AKAP8L: variants seen among roughly 807,000 people sequenced by gnomAD.
AKAP8L encodes the protein A-kinase anchoring protein 8 like, also known as A-kinase anchor protein 8-like.
A neutral mutation model predicts 77.5 loss-of-function variants in AKAP8L; 34 were observed. That is an observed-to-expected ratio of 0.44 (90% CI 0.33 to 0.58). AKAP8L has a LOEUF of 0.58. Ranked by LOEUF, AKAP8L falls within the 20% of genes least tolerant of loss-of-function variation. The probability of loss-of-function intolerance (pLI) is 0.02; values close to 1 mark genes in which losing one functional copy is unlikely to be tolerated. For missense variants in AKAP8L, 806 were observed against 887.6 expected (o/e 0.91, Z 1.17); for synonymous variants, 342 against 340.7 (o/e 1.00, Z -0.04).
rs1047664340 is a variant in AKAP8L at position 15,403,410 on chromosome 19, C to T, written c.362+65G>A. On this transcript the variant is annotated intron_variant, in intron 4 of 13. Transcript: ENST00000397410. This position sits in a 1 kb window ranked among gnomAD's most constrained non-coding sequence, Gnocchi z 4.3. ...ACAGAGGGGCACTCAGAGAGGAAAA[C>T]GCAGTGGGCAGCAGGCAGGAGCCGC... The T allele has an allele frequency of 4.0e-6, 6 of 1,494,370 alleles. No homozygotes were observed. The highest frequency in any genetic ancestry group is 1.7e-5 in the Admixed American group (1 of 59,260). The allele number at this position is 1,494,370 out of a possible 1,614,324, so 92.6% of individuals were successfully genotyped here.
At chr19:15,405,681 T>C (rs192445165) in intron 2 of AKAP8L, among the ~76,000 whole-genome samples, 2 of 151,180 alleles carry the variant, frequency 1.3e-5, no homozygotes, top group East Asian at 2.0e-4. Flanking sequence ...CCCAGAACTT[T>C]GGGAGGCCAA....
At chr19:15,404,192 A>C (rs1967955359) in intron 2 of AKAP8L, 150 bp from the exon 3 acceptor site, 1 of 710,262 alleles carries the variant, frequency 1.4e-6, no homozygotes, top group African/African-American at 1.8e-5. Flanking sequence ...GCACTGCGCA[A>C]ATGACCCAGG....
chr19:15,414,128 G>A (rs527784150), intron 1 of AKAP8L, among the ~76,000 whole-genome samples: 14 of 147,594 alleles, frequency 9.5e-5, no homozygotes, highest in Non-Finnish European at 1.3e-4. Context: ...GCAATGGTGC[G>A]ATCTCGGTTC....
chr19:15,410,697 C>T, intron 1 of AKAP8L, 103 bp from the exon 2 acceptor site: 1 of 860,910 alleles, frequency 1.2e-6, no homozygotes, highest in Non-Finnish European at 1.8e-6. Flanking sequence ...GCCCTTCTCT[C>T]AACGAAAAGC....
intron 12 of AKAP8L, among the ~76,000 whole-genome samples, chr19:15,395,593 G>A (rs74605676): frequency 1.3e-5 from 2 of 151,006 alleles, no homozygotes; most frequent in South Asian, 2.1e-4. Flanking sequence ...GATTACACGC[G>A]TGAGCCACCA....
Position 15,380,208 on chromosome 19 carries a change from G to A in AKAP8L, c.1855C>T (p.Leu619=), listed in dbSNP as rs1054093589. The A allele has an allele frequency of 2.0e-6, 3 of 1,508,484 alleles. No homozygotes were observed. Among genetic ancestry groups the A allele is most frequent in the African/African-American group, 2.9e-5 (2 of 69,066 alleles). 93.4% of individuals were successfully genotyped at this position (1,508,484 alleles called of 1,614,324 possible). ...EEEEEGAVPL[L]GGALQRQIRG... ...ATCTGGCGTTGCAGCGCCCCTCCCAGCAAGGGCACGGCGCCCTCCTCCTCC... is the reference window on the plus strand; with the variant it reads ...ATCTGGCGTTGCAGCGCCCCTCCCAACAAGGGCACGGCGCCCTCCTCCTCC... Residue 619 remains leucine (L), a synonymous_variant, in exon 14 of 14, where the codon CTG becomes TTG. Coordinates refer to ENST00000397410, the MANE Select transcript of AKAP8L (RefSeq NM_014371.4).
intron 1 of AKAP8L, among the ~76,000 whole-genome samples, chr19:15,416,818 G>C (rs543351865): frequency 1.3e-5 from 2 of 152,134 alleles, no homozygotes; most frequent in Non-Finnish European, 2.9e-5. Context: ...AGGTAACAGG[G>C]TTCAAAAGCA....
At chr19:15,393,999 GCA>G (rs1967719085) in intron 12 of AKAP8L, among the ~76,000 whole-genome samples, 1 of 151,868 alleles carries the variant, frequency 6.6e-6, no homozygotes, top group African/African-American at 2.4e-5. Context: ...GTAAAATGGT[GCA>G]CAGTCACTTT....
At chr19:15,388,844 A>T (rs8182534) in intron 12 of AKAP8L, among the ~76,000 whole-genome samples, 14 of 150,448 alleles carry the variant, frequency 9.3e-5, no homozygotes, top group Admixed American at 7.3e-4. Flanking sequence ...TGAACCTGGG[A>T]GGCGGAGCTT....
chr19:15,393,903 C>CAAAAAAAAAAAAAAAAAAAATAAA (rs35729766), intron 12 of AKAP8L, among the ~76,000 whole-genome samples: 1 of 96,440 alleles, frequency 1.0e-5, no homozygotes, highest in African/African-American at 4.1e-5. Context: ...ATCTCTGTCT[C>CAAAAAAAAAAAAAAAAAAAATAAA]AAAAAAAAAA....
chr19:15,397,637 A>G lies in AKAP8L; in HGVS notation c.1300-12T>C. 2 of 1,613,908 alleles carry G rather than the reference A, an allele frequency of 1.2e-6. No homozygotes were observed. The highest frequency in any genetic ancestry group is 1.7e-6 in the Non-Finnish European group (2 of 1,179,836). On this transcript the variant is annotated splice_polypyrimidine_tract_variant and intron_variant, in intron 10 of 13. Transcript: ENST00000397410. The surrounding 1 kb of genome is among the most constrained non-coding windows in gnomAD (Gnocchi z 4.7). Reference sequence around the variant, plus strand: ...TTAGTGACGTACTCCTGCAAGGAATATAAAGGTTCATGTGGGCCGCCTTAT... The same window carrying G: ...TTAGTGACGTACTCCTGCAAGGAATGTAAAGGTTCATGTGGGCCGCCTTAT...
intron 2 of AKAP8L, among the ~76,000 whole-genome samples, chr19:15,406,251 A>G (rs1417858116): frequency 6.6e-6 from 1 of 151,880 alleles, no homozygotes; most frequent in African/African-American, 2.4e-5. Context: ...GGAAGCCTTC[A>G]TCTAGACTGG....
Position 15,399,551 on chromosome 19 carries a change from C to T in AKAP8L, c.1049-141G>A. On this transcript the variant is annotated intron_variant, in intron 8 of 13. Coordinates refer to ENST00000397410, the MANE Select transcript of AKAP8L (RefSeq NM_014371.4). The surrounding 1 kb of genome is among the most constrained non-coding windows in gnomAD (Gnocchi z 6.1). ...TCCAAGCAAGGCCTCTGGCCATGAG[C>T]AGGGCTGGGTATCCTGGGCTGTGCA... 1 of 691,162 alleles carries T rather than the reference C, an allele frequency of 1.4e-6. No individual in the cohort carries two copies. Among genetic ancestry groups the T allele is most frequent in the Non-Finnish European group, 2.6e-6 (1 of 386,852 alleles). 42.8% of individuals were successfully genotyped at this position (691,162 alleles called of 1,614,324 possible).
Position 15,397,320 on chromosome 19 carries a change from C to G in AKAP8L, c.1406-40G>C, listed in dbSNP as rs1373355616. 1 of 1,610,072 alleles carries G rather than the reference C, an allele frequency of 6.2e-7. No homozygotes were observed. The highest frequency in any genetic ancestry group is 1.7e-5 in the Admixed American group (1 of 59,844). On this transcript the variant is annotated intron_variant, in intron 11 of 13. Coordinates refer to ENST00000397410, the MANE Select transcript of AKAP8L (RefSeq NM_014371.4). The surrounding 1 kb of genome is among the most constrained non-coding windows in gnomAD (Gnocchi z 4.7). ...AGGGAGTCACCACTGGGCCCAGGTGCCTAAGATAGACCCAGGTGTTCGAGA... is the reference window on the plus strand; with the variant it reads ...AGGGAGTCACCACTGGGCCCAGGTGGCTAAGATAGACCCAGGTGTTCGAGA...
intron 12 of AKAP8L, among the ~76,000 whole-genome samples, chr19:15,390,156 C>T (rs1352617707): frequency 6.6e-6 from 1 of 152,006 alleles, no homozygotes; most frequent in African/African-American, 2.4e-5. Flanking sequence ...TGGCTCATGC[C>T]TATAATCCCA....
chr19:15,397,275 C>T lies in AKAP8L; in HGVS notation c.1411G>A (p.Ala471Thr). 6.2e-7 allele frequency: 1 copy of T among 1,613,888 alleles called. No individual in the cohort carries two copies. Among genetic ancestry groups the T allele is most frequent in the Non-Finnish European group, 8.5e-7 (1 of 1,179,876 alleles). ...ACCTTCTTCACAAAATGCTCCATGG[C>T]AATTTCTGTAGTGGGGAGGAGGGAG... ...YRDQDLTQEIAMEHFVKKVEA... is the reference protein window; with the variant it reads ...YRDQDLTQEITMEHFVKKVEA... The change falls in exon 12 of 14, where the codon GCC (alanine) becomes ACC (threonine). Residue 471 changes from alanine (A) to threonine (T), a missense_variant. Ala to Thr is a moderately conservative substitution (Grantham distance 58). This residue lies in a region of AKAP8L where 580 missense variants were observed against 694.1 expected (regional missense o/e 0.84). Transcript: ENST00000397410. The surrounding 1 kb of genome is among the most constrained non-coding windows in gnomAD (Gnocchi z 4.7).
chr19:15,387,120 C>T (rs1233916366), intron 12 of AKAP8L, among the ~76,000 whole-genome samples: 2 of 152,244 alleles, frequency 1.3e-5, no homozygotes, highest in Non-Finnish European at 2.9e-5. Flanking sequence ...TAAGGGCTCA[C>T]ATACCCATGG....
At chr19:15,406,768 A>G (rs543602539) in intron 2 of AKAP8L, among the ~76,000 whole-genome samples, 2 of 152,296 alleles carry the variant, frequency 1.3e-5, no homozygotes, top group African/African-American at 4.8e-5. Context: ...CCTGGCCCCA[A>G]GGACATAATT....
At chr19:15,400,666 C>A in intron 7 of AKAP8L, 128 bp downstream of exon 7, 1 of 1,181,738 alleles carries the variant, frequency 8.5e-7, no homozygotes, top group South Asian at 1.3e-5. Context: ...GACCACACTG[C>A]CTCCCCATGC....
Sources: gnomAD v4.1 joint callset for allele counts (sites outside exome capture counted in the v4.1 genomes callset) on GRCh38, gnomAD v4.1.1 for gene constraint, gnomAD v4.1.1 regional missense constraint, Gnocchi (gnomAD v3.1) non-coding constraint, MANE v1.5 for transcripts, NCBI Gene and HGNC (gene_info 2026-07-23, HGNC 2026-07-21) for gene names.